KCNJ12: variants seen among roughly 807,000 people sequenced by gnomAD.
The protein encoded by KCNJ12 is potassium inwardly rectifying channel subfamily J member 12, also known as ATP-sensitive inward rectifier potassium channel 12.
A neutral mutation model predicts 22.3 loss-of-function variants in KCNJ12; 2 were observed. The observed-to-expected ratio is 0.09, with a 90% CI of 0.04 to 0.28. The LOEUF (loss-of-function observed/expected upper bound fraction) is 0.28. Among genes scored for constraint, KCNJ12 ranks in the 10% least tolerant of loss-of-function variants. The pLI, the probability that KCNJ12 is intolerant of heterozygous loss-of-function variation, is 1.00. For missense variants in KCNJ12, 155 were observed against 633.3 expected (o/e 0.24, Z 8.11); for synonymous variants, 117 against 261.4 (o/e 0.45, Z 5.33).
chr17:21,413,244 C>T (rs1906478526), intron 2 of KCNJ12, among the ~76,000 whole-genome samples: 1 of 111,556 alleles, frequency 9.0e-6, no homozygotes, highest in African/African-American at 2.7e-5. Context: ...GCCTATGGGA[C>T]TGGGACAAGT....
chr17:21,385,060 C>T (rs1042426012), intron 1 of KCNJ12, among the ~76,000 whole-genome samples: 4 of 152,176 alleles, frequency 2.6e-5, no homozygotes, highest in Non-Finnish European at 5.9e-5. Flanking sequence ...CAGGCGTGAG[C>T]CACCGTGCCC....
chr17:21,384,331 A>C (rs781810068), intron 1 of KCNJ12, among the ~76,000 whole-genome samples: 2 of 152,136 alleles, frequency 1.3e-5, no homozygotes, highest in Non-Finnish European at 2.9e-5. Flanking sequence ...TCCGTGAGTC[A>C]TGGGTTCTTT....
chr17:21,414,654 G>T (rs1288173793), intron 2 of KCNJ12, among the ~76,000 whole-genome samples: 1 of 152,298 alleles, frequency 6.6e-6, no homozygotes, highest in African/African-American at 2.4e-5. Context: ...GGGTCTTCCT[G>T]GGGCACAAGG....
intron 1 of KCNJ12, among the ~76,000 whole-genome samples, chr17:21,402,212 C>T (rs1283946620): frequency 7.9e-5 from 12 of 152,308 alleles, no homozygotes; most frequent in Non-Finnish European, 1.2e-4. Flanking sequence ...ACAGTTCCCA[C>T]TTGAAGGAGT....
At chr17:21,390,077 C>T (rs1440024725) in intron 1 of KCNJ12, among the ~76,000 whole-genome samples, 1 of 152,154 alleles carries the variant, frequency 6.6e-6, no homozygotes, top group Non-Finnish European at 1.5e-5. Flanking sequence ...TTGGCTTTCT[C>T]CCTCAAGGGT....
At chr17:21,387,285 A>G (rs1301628576) in intron 1 of KCNJ12, among the ~76,000 whole-genome samples, 6 of 150,718 alleles carry the variant, frequency 4.0e-5, no homozygotes, top group African/African-American at 1.5e-4. Flanking sequence ...TACTGAAAAT[A>G]CAAAAAATTA....
intron 1 of KCNJ12, among the ~76,000 whole-genome samples, chr17:21,399,684 C>T (rs976927685): frequency 5.3e-5 from 8 of 152,134 alleles, no homozygotes; most frequent in Non-Finnish European, 1.0e-4. Context: ...GTGGTCCAAG[C>T]CAGACTTGGA....
intron 1 of KCNJ12, among the ~76,000 whole-genome samples, chr17:21,407,382 AC>A (rs1343876282): frequency 6.6e-6 from 1 of 151,644 alleles, no homozygotes; most frequent in Non-Finnish European, 1.5e-5. Flanking sequence ...CCATCCATGC[AC>A]CCATCACCCA....
intron 1 of KCNJ12, among the ~76,000 whole-genome samples, chr17:21,402,902 G>T (rs1369261155): frequency 6.6e-6 from 1 of 152,310 alleles, no homozygotes; most frequent in Non-Finnish European, 1.5e-5. Context: ...ACACCTGGGT[G>T]CTAGGCCCAG....
intron 1 of KCNJ12, among the ~76,000 whole-genome samples, chr17:21,377,718 C>T (rs1212442687): frequency 5.3e-5 from 8 of 152,148 alleles, no homozygotes; most frequent in African/African-American, 1.9e-4. Context: ...GTGTCTGTGC[C>T]TCGGTTTTGA....
intron 1 of KCNJ12, among the ~76,000 whole-genome samples, chr17:21,383,002 G>A (rs982816326): frequency 3.9e-5 from 6 of 152,008 alleles, no homozygotes; most frequent in Non-Finnish European, 1.5e-5. Context: ...GGAAGGCTGG[G>A]GCGCAGCCTT....
rs1555563254 is a variant in KCNJ12 at position 21,418,002 on chromosome 17, A to C, written c.*1358A>C. 6.0e-6 allele frequency: 1 copy of C among 167,018 alleles called. No individual in the cohort carries two copies. 10.3% of individuals were successfully genotyped at this position (167,018 alleles called of 1,614,324 possible). ...ACGCTCATTCAAAGCTGAATCAGAA[A>C]CCAGCCGTGGAACAGAATTCCTGCC... On this transcript the variant is annotated 3_prime_UTR_variant, in exon 3 of 3. Coordinates refer to ENST00000583088, the MANE Select transcript of KCNJ12 (RefSeq NM_021012.5).
At chr17:21,392,055 G>A (rs1239799174) in intron 1 of KCNJ12, among the ~76,000 whole-genome samples, 1 of 152,230 alleles carries the variant, frequency 6.6e-6, no homozygotes, top group African/African-American at 2.4e-5. Context: ...TATGCTGAGT[G>A]TGGTGGTGGG....
chr17:21,378,533 G>A (rs968303846), intron 1 of KCNJ12, among the ~76,000 whole-genome samples: 1 of 152,156 alleles, frequency 6.6e-6, no homozygotes, highest in African/African-American at 2.4e-5. Flanking sequence ...AGAGCAGGGA[G>A]TGAGGGCGGA....
intron 1 of KCNJ12, among the ~76,000 whole-genome samples, chr17:21,388,527 G>T (rs989219629): frequency 6.6e-6 from 1 of 152,164 alleles, no homozygotes; most frequent in Non-Finnish European, 1.5e-5. Context: ...CCCAACTGCC[G>T]CCAGGAAATT....
At chr17:21,379,165 A>T (rs189873368) in intron 1 of KCNJ12, among the ~76,000 whole-genome samples, 78 of 152,346 alleles carry the variant, frequency 5.1e-4, no homozygotes, top group Non-Finnish European at 7.5e-4. Context: ...CAGCAGCAGC[A>T]CCTGCAGCTC....
intron 1 of KCNJ12, among the ~76,000 whole-genome samples, chr17:21,380,451 T>G (rs68145626): frequency 0.055 from 8,429 of 152,202 alleles, 262 homozygotes; most frequent in Middle Eastern, 0.12. Context: ...AGGAGACTCT[T>G]GGACAGACTC....
intron 1 of KCNJ12, among the ~76,000 whole-genome samples, chr17:21,381,554 A>G (rs1261433818): frequency 3.3e-5 from 5 of 151,962 alleles, no homozygotes; most frequent in African/African-American, 1.2e-4. Context: ...GCCTTTGCAC[A>G]TGCTGCTATC....
chr17:21,397,110 G>A (rs59376857), intron 1 of KCNJ12, among the ~76,000 whole-genome samples: 1 of 152,258 alleles, frequency 6.6e-6, no homozygotes, highest in East Asian at 1.9e-4. Flanking sequence ...ATGCTTGGCA[G>A]TAAAGGCATG....
Sources: gnomAD v4.1 joint callset for allele counts (sites outside exome capture counted in the v4.1 genomes callset) on GRCh38, gnomAD v4.1.1 for gene constraint, MANE v1.5 for transcripts, NCBI Gene and HGNC (gene_info 2026-07-23, HGNC 2026-07-21) for gene names.